FILIP1L: variants seen among roughly 807,000 people sequenced by gnomAD.
The protein encoded by FILIP1L is filamin A interacting protein 1 like.
A neutral mutation model predicts 96.6 loss-of-function variants in FILIP1L; 55 were observed. That is an observed-to-expected ratio of 0.57 (90% confidence interval 0.46 to 0.71). The LOEUF is 0.71. Ranked by LOEUF, FILIP1L falls within the 30% of genes least tolerant of loss-of-function variation. The probability of loss-of-function intolerance (pLI) is 0.00; values close to 1 mark genes in which losing one functional copy is unlikely to be tolerated. For missense variants in FILIP1L, 1,304 were observed against 1,321.2 expected, an observed-to-expected ratio of 0.99 and a Z score of 0.20; for synonymous variants, 467 against 473.9, an observed-to-expected ratio of 0.99 and a Z score of 0.19.
intron 1 of FILIP1L, among the ~76,000 whole-genome samples, chr3:99,988,296 G>T (rs759732295): frequency 5.2e-5 from 7 of 134,552 alleles, no homozygotes; most frequent in Non-Finnish European, 7.6e-5. Flanking sequence ...GGGAGATGGA[G>T]ACCATCCTGG....
intron 4 of FILIP1L, among the ~76,000 whole-genome samples, chr3:99,868,764 A>G (rs894726830): frequency 5.3e-5 from 8 of 152,134 alleles, no homozygotes; most frequent in Non-Finnish European, 8.8e-5. Context: ...GCATTCAGTC[A>G]TCTCCATTTA....
chr3:100,105,648 G>T (rs1347162095), intron 1 of FILIP1L, among the ~76,000 whole-genome samples: 1 of 152,134 alleles, frequency 6.6e-6, no homozygotes, highest in African/African-American at 2.4e-5. Flanking sequence ...CTGAGGGAAG[G>T]TCATTAATTC....
chr3:99,882,478 G>A (rs187399273), intron 4 of FILIP1L, among the ~76,000 whole-genome samples: 1 of 152,196 alleles, frequency 6.6e-6, no homozygotes, highest in Non-Finnish European at 1.5e-5. Flanking sequence ...AAGAGTAAAA[G>A]GTGTGCTTAG....
At chr3:100,109,215 A>T (rs911640491) in intron 1 of FILIP1L, among the ~76,000 whole-genome samples, 1 of 151,904 alleles carries the variant, frequency 6.6e-6, no homozygotes, top group Non-Finnish European at 1.5e-5. Context: ...GTGTTTTAAT[A>T]TCCTAAAAAA....
intron 1 of FILIP1L, among the ~76,000 whole-genome samples, chr3:100,014,529 A>G (rs1033155953): frequency 3.3e-5 from 5 of 152,188 alleles, no homozygotes; most frequent in Non-Finnish European, 7.3e-5. Context: ...GATAATAACC[A>G]TTCTAACAGA....
intron 1 of FILIP1L, among the ~76,000 whole-genome samples, chr3:100,055,172 T>C (rs924115183): frequency 6.6e-6 from 1 of 152,180 alleles, no homozygotes; most frequent in Non-Finnish European, 1.5e-5. Context: ...GTCTCCCAGT[T>C]CTCCTCGTCC....
At position 99,895,924 on chromosome 3, in the gene FILIP1L, A is replaced by G. The variant is rs145967497; in HGVS notation, c.605+28306T>C. ...GGCTGGACAAAGGAACCCATCATCT[A>G]TGTTTGGTCAAGCTCTAAGCTGTAA... On this transcript the variant is annotated intron_variant, in intron 4 of 5. Transcript: ENST00000477258. 1.7e-3 allele frequency among the ~76,000 whole-genome samples: 258 copies of G among 152,270 alleles called. 1 individual carries two copies. Among genetic ancestry groups the G allele is most frequent in the African/African-American group, 6.1e-3 (254 of 41,546 alleles).
chr3:100,066,517 C>CTTT (rs545356638), intron 1 of FILIP1L, among the ~76,000 whole-genome samples: 507 of 38,384 alleles, frequency 0.013, 1 homozygote, highest in African/African-American at 0.017. Flanking sequence ...GGCTTTGCTT[C>CTTT]TTTTTTTTTT....
chr3:99,988,582 G>A (rs2107123121), intron 1 of FILIP1L, among the ~76,000 whole-genome samples: 1 of 151,618 alleles, frequency 6.6e-6, no homozygotes, highest in Admixed American at 6.6e-5. Context: ...AATTCTGTAG[G>A]TTTCTCTTAT....
Position 99,830,354 on chromosome 3 carries a change from A to T in FILIP1L, c.*60T>A, listed in dbSNP as rs1258639925. On this transcript the variant is annotated 3_prime_UTR_variant, in exon 6 of 6. Transcript: ENST00000477258. ...TGGTCCTTTGGCCTTTCATAGTGGT[A>T]ATTTTAGCTTTCCACATATTTCTGT... The T allele has an allele frequency of 2.8e-6, 1 of 363,538 alleles. No homozygotes were observed. Among genetic ancestry groups the T allele is most frequent in the African/African-American group, 2.1e-5 (1 of 47,142 alleles). 22.5% of individuals were successfully genotyped at this position (363,538 alleles called of 1,614,324 possible).
At chr3:100,034,886 G>C (rs1483226091) in intron 1 of FILIP1L, among the ~76,000 whole-genome samples, 1 of 152,076 alleles carries the variant, frequency 6.6e-6, no homozygotes, top group Non-Finnish European at 1.5e-5. Context: ...TTTCTCAGTA[G>C]AATATCTCAA....
chr3:99,872,124 G>A (rs1293548357), intron 4 of FILIP1L, among the ~76,000 whole-genome samples: 1 of 152,020 alleles, frequency 6.6e-6, no homozygotes, highest in Non-Finnish European at 1.5e-5. Context: ...AATGCAGGGG[G>A]CCCTGGCCCT....
intron 3 of FILIP1L, among the ~76,000 whole-genome samples, chr3:99,925,274 A>G (rs1707255487): frequency 6.6e-6 from 1 of 152,228 alleles, no homozygotes; most frequent in African/African-American, 2.4e-5. Flanking sequence ...TACTAAGTCC[A>G]TTCAGATTTT....
intron 3 of FILIP1L, among the ~76,000 whole-genome samples, chr3:99,927,924 C>G (rs117786530): frequency 3.9e-5 from 6 of 152,020 alleles, no homozygotes; most frequent in Non-Finnish European, 4.4e-5. Flanking sequence ...GTCATGTAAC[C>G]GAGAGCTGTT....
chr3:99,903,403 C>T (rs1281804782), intron 4 of FILIP1L, among the ~76,000 whole-genome samples: 2 of 152,058 alleles, frequency 1.3e-5, no homozygotes, highest in African/African-American at 2.4e-5. Context: ...AGGCGCCTGC[C>T]ACCACACCCA....
rs1037026609 is a variant in FILIP1L at position 100,000,569 on chromosome 3, A to G, written c.-10-69539T>C. ...AATACTCCTAAAAGTGAAAATTCTGACCAGGCGCAGTAGCTTATGGCTGTA... is the reference window on the plus strand; with the variant it reads ...AATACTCCTAAAAGTGAAAATTCTGGCCAGGCGCAGTAGCTTATGGCTGTA... On this transcript the variant is annotated intron_variant, in intron 1 of 5. Transcript: ENST00000477258. Among the ~76,000 whole-genome samples the G allele has an allele frequency of 1.3e-5, 2 of 152,274 alleles. 1 individual carries two copies. Among genetic ancestry groups the G allele is most frequent in the Admixed American group, 1.3e-4 (2 of 15,296 alleles).
intron 5 of FILIP1L, among the ~76,000 whole-genome samples, chr3:99,836,744 T>C (rs547879968): frequency 6.6e-6 from 1 of 152,300 alleles, no homozygotes; most frequent in Non-Finnish European, 1.5e-5. Flanking sequence ...GAACAGTACA[T>C]AGTGATTGAA....
intron 1 of FILIP1L, among the ~76,000 whole-genome samples, chr3:100,069,366 A>C (rs774463128): frequency 9.9e-5 from 15 of 152,074 alleles, no homozygotes; most frequent in Non-Finnish European, 1.9e-4. Context: ...TTTTTGCAAC[A>C]GCCTTAACTG....
chr3:100,022,408 T>C (rs1308119504), intron 1 of FILIP1L, among the ~76,000 whole-genome samples: 2 of 152,192 alleles, frequency 1.3e-5, no homozygotes, highest in Non-Finnish European at 2.9e-5. Flanking sequence ...ACGGCACAAC[T>C]CTGCTACAGT....
Sources: gnomAD v4.1 joint callset for allele counts (sites outside exome capture counted in the v4.1 genomes callset) on GRCh38, gnomAD v4.1.1 for gene constraint, MANE v1.5 for transcripts, NCBI Gene and HGNC (gene_info 2026-07-23, HGNC 2026-07-21) for gene names.